Variants in TMTC2 observed in about 807,000 individuals in gnomAD.
TMTC2 encodes the protein protein O-mannosyl-transferase TMTC2.
In TMTC2, 43 loss-of-function variants were observed where a neutral mutation model predicts 82.4. That is an observed-to-expected ratio of 0.52 (90% CI 0.41 to 0.67). The LOEUF (loss-of-function observed/expected upper bound fraction) is 0.67, where lower values mean the gene tolerates loss of function less well. Among genes scored for constraint, TMTC2 ranks in the 30% least tolerant of loss-of-function variants. The pLI, the probability that TMTC2 is intolerant of heterozygous loss-of-function variation, is 0.00. For synonymous variants in TMTC2, 408 were observed against 381.9 expected (o/e 1.07, Z -0.80); for missense variants, 919 against 1,012.4 (o/e 0.91, Z 1.25).
chr12:82,942,326 G>A (rs894604190), intron 4 of TMTC2, among the ~76,000 whole-genome samples: 1 of 152,110 alleles, frequency 6.6e-6, no homozygotes, highest in Non-Finnish European at 1.5e-5. Flanking sequence ...ATTATTAATA[G>A]GATAAGATGT....
intron 8 of TMTC2, among the ~76,000 whole-genome samples, chr12:83,025,100 G>A (rs973939045): frequency 6.6e-6 from 1 of 152,148 alleles, no homozygotes; most frequent in Admixed American, 6.5e-5. Flanking sequence ...GCTGAGGCAT[G>A]AGAATGGCTC....
chr12:82,946,333 A>G (rs943375974), intron 4 of TMTC2, among the ~76,000 whole-genome samples: 2 of 152,326 alleles, frequency 1.3e-5, no homozygotes, highest in East Asian at 1.9e-4. Flanking sequence ...AGTTGCATGC[A>G]CATTGATTTA....
At chr12:83,106,644 A>G (rs1884411150) in intron 11 of TMTC2, among the ~76,000 whole-genome samples, 1 of 152,226 alleles carries the variant, frequency 6.6e-6, no homozygotes, top group Non-Finnish European at 1.5e-5. Flanking sequence ...ACCTAAAACC[A>G]GCCAGAGAGA....
At chr12:83,028,906 A>G (rs1881295753) in intron 8 of TMTC2, among the ~76,000 whole-genome samples, 1 of 152,146 alleles carries the variant, frequency 6.6e-6, no homozygotes, top group African/African-American at 2.4e-5. Flanking sequence ...CATTGCAGGG[A>G]ATTTAAAATT....
chr12:82,699,849 G>T (rs144422442), intron 1 of TMTC2, among the ~76,000 whole-genome samples: 277 of 152,208 alleles, frequency 1.8e-3, no homozygotes, highest in African/African-American at 5.9e-3. Flanking sequence ...CCTGGGTTCT[G>T]CATCCATGGA....
chr12:83,020,629 T>C (rs1292039975), intron 8 of TMTC2, among the ~76,000 whole-genome samples: 1 of 150,866 alleles, frequency 6.6e-6, no homozygotes, highest in East Asian at 2.0e-4. Context: ...TGATAAGATG[T>C]TGGTTTTCCC....
chr12:82,793,368 C>CTT (rs5799596), intron 1 of TMTC2, among the ~76,000 whole-genome samples: 10,100 of 137,252 alleles, frequency 0.074, 472 homozygotes, highest in Middle Eastern at 0.17. Context: ...AGTCTTTTTT[C>CTT]TTTTTTTTTT....
At chr12:83,021,269 G>A (rs888870322) in intron 8 of TMTC2, among the ~76,000 whole-genome samples, 9 of 151,730 alleles carry the variant, frequency 5.9e-5, no homozygotes, top group South Asian at 4.2e-4. Context: ...CTATCTAGTC[G>A]GTGTTTCTGA....
At chr12:82,897,299 A>C (rs575220556) in intron 3 of TMTC2, among the ~76,000 whole-genome samples, 46 of 152,318 alleles carry the variant, frequency 3.0e-4, no homozygotes, top group Non-Finnish European at 5.0e-4. Context: ...TATACCATTC[A>C]TGATTGCTTT....
At chr12:82,833,185 A>G (rs771708929) in intron 1 of TMTC2, among the ~76,000 whole-genome samples, 4 of 152,130 alleles carry the variant, frequency 2.6e-5, no homozygotes, top group Non-Finnish European at 5.9e-5. Flanking sequence ...AAAGTTGTTT[A>G]TTTTTTAAGG....
chr12:82,830,081 G>T (rs939101187), intron 1 of TMTC2, among the ~76,000 whole-genome samples: 1 of 152,138 alleles, frequency 6.6e-6, no homozygotes, highest in Non-Finnish European at 1.5e-5. Flanking sequence ...ACCTTTTAAA[G>T]AATGGAATTA....
At chr12:83,068,892 T>C (rs1402404636) in intron 11 of TMTC2, among the ~76,000 whole-genome samples, 2 of 152,122 alleles carry the variant, frequency 1.3e-5, no homozygotes, top group African/African-American at 2.4e-5. Flanking sequence ...CCAAGGTCCA[T>C]TGTATCATTC....
At chr12:82,923,856 A>G (rs1875538138) in intron 3 of TMTC2, among the ~76,000 whole-genome samples, 2 of 152,076 alleles carry the variant, frequency 1.3e-5, no homozygotes, top group African/African-American at 2.4e-5. Flanking sequence ...TTCTTTTAGG[A>G]TTTGGTTTGC....
intron 2 of TMTC2, among the ~76,000 whole-genome samples, chr12:82,888,535 A>C (rs1873221781): frequency 6.6e-6 from 1 of 152,148 alleles, no homozygotes; most frequent in Admixed American, 6.5e-5. Context: ...GCATCTTCCT[A>C]CCTCAGCCTC....
chr12:82,794,794 T>G (rs1878639174), intron 1 of TMTC2, among the ~76,000 whole-genome samples: 1 of 152,148 alleles, frequency 6.6e-6, no homozygotes, highest in Non-Finnish European at 1.5e-5. Flanking sequence ...TAAGTCGCAG[T>G]TTTGCCATTT....
intron 11 of TMTC2, among the ~76,000 whole-genome samples, chr12:83,070,917 C>T (rs894917938): frequency 1.3e-5 from 2 of 152,078 alleles, no homozygotes; most frequent in African/African-American, 4.8e-5. Flanking sequence ...TGGATTTTGT[C>T]GAATGCTTTT....
At chr12:83,080,026 G>A (rs897617195) in intron 11 of TMTC2, among the ~76,000 whole-genome samples, 8 of 152,134 alleles carry the variant, frequency 5.3e-5, no homozygotes, top group African/African-American at 1.7e-4. Context: ...CTAGAAACAT[G>A]TGCGTGTGCT....
intron 1 of TMTC2, among the ~76,000 whole-genome samples, chr12:82,806,383 G>A (rs532130831): frequency 4.6e-5 from 7 of 152,204 alleles, no homozygotes; most frequent in African/African-American, 1.7e-4. Flanking sequence ...TTGCCTGCAA[G>A]GACCAAAGAA....
At chr12:82,768,664 C>T (rs1438144062) in intron 1 of TMTC2, among the ~76,000 whole-genome samples, 1 of 151,826 alleles carries the variant, frequency 6.6e-6, no homozygotes, top group African/African-American at 2.4e-5. Context: ...GGAGAAATTC[C>T]TCAAGGTTTC....
Sources: gnomAD v4.1 joint callset for allele counts (sites outside exome capture counted in the v4.1 genomes callset) on GRCh38, gnomAD v4.1.1 for gene constraint, MANE v1.5 for transcripts, NCBI Gene and HGNC (gene_info 2026-07-23, HGNC 2026-07-21) for gene names.